The following C3orf20 variants were observed in gnomAD, a reference collection of about 807,000 sequenced individuals.
C3orf20 encodes uncharacterized protein C3orf20.
C3orf20 carries 76 observed loss-of-function variants against 88.3 expected under a neutral mutation model. The observed-to-expected ratio is 0.86, with a 90% CI of 0.72 to 1.04. The LOEUF (loss-of-function observed/expected upper bound fraction) is 1.04, where lower values mean the gene tolerates loss of function less well. C3orf20 is among the 50% of genes least tolerant of loss of function. The pLI, the probability that C3orf20 is intolerant of heterozygous loss-of-function variation, is 0.00. For synonymous variants in C3orf20, 436 were observed against 437.4 expected (o/e 1.00, Z 0.04); for missense variants, 1,056 against 1,123.3 (o/e 0.94, Z 0.86).
In C3orf20 at chr3:14,678,251, A is replaced by G. The variant is rs137934758; in HGVS notation, c.-299+2999A>G. ...GCTGACCCTTCACACACACCACCTC[A>G]CTAATCCTCACAGTCCTTGAAGGTG... On this transcript the variant is annotated intron_variant, in intron 1 of 16. Transcript: ENST00000253697. 4.1e-3 allele frequency among the ~76,000 whole-genome samples: 619 copies of G among 152,302 alleles called. 3 individuals carry two copies. The highest frequency in any genetic ancestry group is 7.3e-3 in the Non-Finnish European group (498 of 68,022).
At chr3:14,727,642 C>A (rs773783752) in intron 11 of C3orf20, among the ~76,000 whole-genome samples, 3 of 152,200 alleles carry the variant, frequency 2.0e-5, no homozygotes, top group Non-Finnish European at 4.4e-5. Flanking sequence ...CCCACTGTCT[C>A]TCTGGGGAGT....
At chr3:14,769,178 G>A (rs532460860) in intron 15 of C3orf20, among the ~76,000 whole-genome samples, 5 of 152,186 alleles carry the variant, frequency 3.3e-5, no homozygotes, top group South Asian at 2.1e-4. Flanking sequence ...TAATAAGCAC[G>A]GAGGCAGAGG....
intron 12 of C3orf20, among the ~76,000 whole-genome samples, chr3:14,749,390 G>T (rs2035154888): frequency 6.6e-6 from 1 of 152,174 alleles, no homozygotes; most frequent in South Asian, 2.1e-4. Flanking sequence ...GCCAAGGCTG[G>T]ACTCAAACTC....
intron 3 of C3orf20, 71 bp from the exon 4 acceptor site, chr3:14,684,171 C>T: frequency 6.3e-7 from 1 of 1,581,488 alleles, no homozygotes; most frequent in Non-Finnish European, 8.6e-7. Flanking sequence ...GGGCCATTTA[C>T]AGAGGTCCTT....
chr3:14,684,344 C>G lies in C3orf20; in HGVS notation c.587C>G (p.Ala196Gly), dbSNP rs2032283557. ...GCCTTCAACTGCCTGATCAGCACAG[C>G]CGGGAGAAGTGGCTACAGCAGCGGA... ...EMAFNCLIST[A>G]GRSGYSSGQL... Residue 196 changes from alanine (A) to glycine (G), a missense_variant, in exon 4 of 17, where the codon GCC (alanine) becomes GGC (glycine). Coordinates refer to ENST00000253697, the MANE Select transcript of C3orf20 (RefSeq NM_032137.5). 1.2e-6 allele frequency: 2 copies of G among 1,613,976 alleles called. No homozygotes were observed. Among genetic ancestry groups the G allele is most frequent in the Non-Finnish European group, 1.7e-6 (2 of 1,180,020 alleles).
intron 12 of C3orf20, among the ~76,000 whole-genome samples, chr3:14,754,529 CTTAA>C (rs2035307635): frequency 1.3e-5 from 2 of 152,188 alleles, no homozygotes. Context: ...CAGCATCTTT[CTTAA>C]TTAAGCATTC....
chr3:14,692,228 A>G (rs559856510), intron 5 of C3orf20, among the ~76,000 whole-genome samples: 5 of 152,176 alleles, frequency 3.3e-5, no homozygotes, highest in Admixed American at 6.5e-5. Context: ...ATATCTCTTC[A>G]TTATACTGAT....
intron 7 of C3orf20, among the ~76,000 whole-genome samples, chr3:14,706,822 G>A (rs1286987210): frequency 1.3e-5 from 2 of 152,052 alleles, no homozygotes; most frequent in African/African-American, 2.4e-5. Context: ...GAACACATGT[G>A]CAGCTATTTG....
intron 10 of C3orf20, among the ~76,000 whole-genome samples, chr3:14,723,379 C>T (rs952182453): frequency 3.6e-4 from 55 of 152,274 alleles, no homozygotes; most frequent in Admixed American, 2.4e-3. Context: ...ATTCCAGCAG[C>T]ATTTCACCTT....
intron 8 of C3orf20, among the ~76,000 whole-genome samples, chr3:14,714,972 A>T (rs926622752): frequency 4.6e-5 from 7 of 152,180 alleles, no homozygotes; most frequent in Non-Finnish European, 7.3e-5. Context: ...CTCTTATGTT[A>T]TAGGTATTCC....
intron 15 of C3orf20, among the ~76,000 whole-genome samples, chr3:14,766,146 A>T (rs751729561): frequency 3.9e-5 from 6 of 152,142 alleles, no homozygotes; most frequent in Non-Finnish European, 7.4e-5. Flanking sequence ...GAGCTGTGTG[A>T]GGCTTGGAGC....
chr3:14,677,230 G>GA (rs2031820644), intron 1 of C3orf20, among the ~76,000 whole-genome samples: 2 of 152,184 alleles, frequency 1.3e-5, no homozygotes, highest in African/African-American at 4.8e-5. Flanking sequence ...TAAGTATACA[G>GA]CTGTGTATAC....
intron 3 of C3orf20, 91 bp downstream of exon 3, chr3:14,683,288 G>A: frequency 6.8e-7 from 1 of 1,466,236 alleles, no homozygotes; most frequent in Non-Finnish European, 9.0e-7. Context: ...GCAACTGTGG[G>A]TCTGCTGTAG....
chr3:14,750,541 T>C (rs1159938947), intron 12 of C3orf20, among the ~76,000 whole-genome samples: 1 of 135,724 alleles, frequency 7.4e-6, no homozygotes, highest in African/African-American at 2.9e-5. Context: ...GGTAACAGAA[T>C]GAGACCCTGT....
chr3:14,681,912 TC>T (rs1004203443), intron 1 of C3orf20, among the ~76,000 whole-genome samples: 1 of 152,224 alleles, frequency 6.6e-6, no homozygotes, highest in Non-Finnish European at 1.5e-5. Flanking sequence ...TAGAAATATG[TC>T]AGGGTAAACA....
chr3:14,770,445 C>G (rs1214208723), intron 15 of C3orf20, among the ~76,000 whole-genome samples: 1 of 152,160 alleles, frequency 6.6e-6, no homozygotes, highest in Non-Finnish European at 1.5e-5. Context: ...AGCAAGTCAC[C>G]TGTGATTCCC....
At chr3:14,769,260 G>A (rs904935415) in intron 15 of C3orf20, among the ~76,000 whole-genome samples, 1 of 151,972 alleles carries the variant, frequency 6.6e-6, no homozygotes, top group Non-Finnish European at 1.5e-5. Context: ...TGGGAGGCTG[G>A]CTTGAAGGAT....
At chr3:14,731,194 A>T (rs2034531328) in intron 12 of C3orf20, among the ~76,000 whole-genome samples, 1 of 152,192 alleles carries the variant, frequency 6.6e-6, no homozygotes, top group Non-Finnish European at 1.5e-5. Context: ...CTTTGTAGAT[A>T]TAGTTTTGCA....
intron 9 of C3orf20, among the ~76,000 whole-genome samples, chr3:14,719,231 T>C (rs2034058584): frequency 6.6e-6 from 1 of 152,158 alleles, no homozygotes; most frequent in African/African-American, 2.4e-5. Flanking sequence ...GCTGGTTGAT[T>C]TTTAAGCTGA....
Sources: allele counts gnomAD v4.1 joint callset (sites outside exome capture counted in the v4.1 genomes callset), GRCh38; gene constraint gnomAD v4.1.1; transcripts MANE v1.5; gene names NCBI Gene and HGNC (gene_info 2026-07-23, HGNC 2026-07-21).